Variants in ARHGAP35 observed in about 807,000 individuals in gnomAD.
ARHGAP35 encodes the protein Rho GTPase activating protein 35.
Under a neutral mutation model 111.1 loss-of-function variants are expected in ARHGAP35, and 15 were observed. The ratio of observed to expected loss-of-function variants is 0.13; its 90% CI spans 0.09 to 0.21. The LOEUF (loss-of-function observed/expected upper bound fraction) is 0.21. ARHGAP35 is among the 10% of genes least tolerant of loss of function. The probability of loss-of-function intolerance (pLI) is 1.00; values close to 1 mark genes in which losing one functional copy is unlikely to be tolerated. For missense variants in ARHGAP35, 1,262 were observed against 1,873.0 expected (o/e 0.67, Z 6.02); for synonymous variants, 643 against 710.3 (o/e 0.91, Z 1.51).
At chr19:46,887,762 C>T (rs929105435) in intron 1 of ARHGAP35, among the ~76,000 whole-genome samples, 3 of 152,044 alleles carry the variant, frequency 2.0e-5, no homozygotes, top group Non-Finnish European at 4.4e-5. Flanking sequence ...CCCGACCGAA[C>T]CAAAAACAAA....
intron 2 of ARHGAP35, among the ~76,000 whole-genome samples, chr19:46,934,295 G>A (rs2056291044): frequency 6.6e-6 from 1 of 152,156 alleles, no homozygotes; most frequent in South Asian, 2.1e-4. Flanking sequence ...TTTAAGTGGG[G>A]AGAGCATTGT....
intron 1 of ARHGAP35, among the ~76,000 whole-genome samples, chr19:46,861,710 C>T (rs1439423788): frequency 1.3e-5 from 2 of 152,102 alleles, no homozygotes; most frequent in Non-Finnish European, 2.9e-5. Context: ...CTGCTCTCAC[C>T]ACCCTTCAGA....
At position 46,920,740 on chromosome 19, in the gene ARHGAP35, C is replaced by A; in HGVS notation, c.2065C>A (p.Arg689=). Residue 689 remains arginine (R), a synonymous_variant, in exon 2 of 7, where the codon CGG becomes AGG. Transcript: ENST00000672722. This position sits in a 1 kb window ranked among gnomAD's most constrained non-coding sequence, Gnocchi z 7.0. ...GAGTAGAGAGTCCACGCTGGGCCGG[C>A]GGGATAATCATTTAGTCCATCTCCC... ...EKSRESTLGR[R]DNHLVHLPLT... 6.2e-7 allele frequency: 1 copy of A among 1,611,516 alleles called. No homozygotes were observed. Among genetic ancestry groups the A allele is most frequent in the Non-Finnish European group, 8.5e-7 (1 of 1,178,724 alleles).
At position 46,999,652 on chromosome 19, in the gene ARHGAP35, T is replaced by C; in HGVS notation, c.4142+243T>C. ...CAGCCCACGTGGCCTCAAACCTGCC[T>C]AACACCAGATAGGGCACTTAGCTCC... On this transcript the variant is annotated intron_variant, in intron 6 of 6. Coordinates refer to ENST00000672722, the MANE Select transcript of ARHGAP35 (RefSeq NM_004491.5). The surrounding 1 kb of genome is among the most constrained non-coding windows in gnomAD (Gnocchi z 5.4). The C allele has an allele frequency of 1.9e-6, 1 of 514,998 alleles. No homozygotes were observed. Among genetic ancestry groups the C allele is most frequent in the Non-Finnish European group, 3.5e-6 (1 of 288,534 alleles). The allele number at this position is 514,998 out of a possible 1,614,324, so 31.9% of individuals were successfully genotyped here. A position where few individuals can be genotyped will look rare whatever the true frequency, so the allele number is the denominator to read the frequency against.
chr19:46,910,427 ATT>A (rs1241010605), intron 1 of ARHGAP35, among the ~76,000 whole-genome samples: 1 of 150,716 alleles, frequency 6.6e-6, no homozygotes, highest in Non-Finnish European at 1.5e-5. Flanking sequence ...AGTAGCTAGG[ATT>A]ACATGGCATG....
intron 1 of ARHGAP35, among the ~76,000 whole-genome samples, chr19:46,910,192 A>T (rs1383745029): frequency 6.6e-6 from 1 of 152,170 alleles, no homozygotes; most frequent in Admixed American, 6.5e-5. Context: ...AGATCACTGT[A>T]ACCTCAAACT....
chr19:46,888,393 C>A (rs965117734), intron 1 of ARHGAP35, among the ~76,000 whole-genome samples: 2 of 144,322 alleles, frequency 1.4e-5, no homozygotes, highest in Non-Finnish European at 3.0e-5. Context: ...GGCTCCTGCT[C>A]ACACCTTCTT....
intron 1 of ARHGAP35, among the ~76,000 whole-genome samples, chr19:46,893,411 G>A (rs1355610183): frequency 6.6e-6 from 1 of 152,044 alleles, no homozygotes; most frequent in African/African-American, 2.4e-5. Context: ...AATATAGTAG[G>A]TTGCCACCAG....
chr19:46,983,986 G>T (rs374886460), intron 3 of ARHGAP35, among the ~76,000 whole-genome samples: 117 of 152,238 alleles, frequency 7.7e-4, no homozygotes, highest in African/African-American at 2.6e-3. Context: ...ACATGGCCTT[G>T]TTCAGATATT....
intron 1 of ARHGAP35, among the ~76,000 whole-genome samples, chr19:46,883,373 T>C (rs777803328): frequency 5.3e-5 from 8 of 152,068 alleles, no homozygotes; most frequent in Non-Finnish European, 1.2e-4. Context: ...AGTGCTGGGA[T>C]TACAGGCGTG....
rs1157012494 is a variant in ARHGAP35, at chr19:47,000,537, G to A, written c.4349G>A (p.Ser1450Asn). The stretch of plus-strand genomic sequence containing the variant: ...ACCGAGCCCCCCGGCGCCAGGCCCA[G>A]CTCCCCCTCTGCCGTGGCTTCCACC... The part of the protein sequence containing the change: ...PITEPPGARP[S>N]SPSAVASTVP... The change falls in exon 7 of 7, where the codon AGC becomes AAC. Residue 1450 changes from serine (S) to asparagine (N), a missense_variant. Physicochemically the swap from Ser to Asn is conservative, Grantham distance 46. Transcript: ENST00000672722. This position sits in a 1 kb window ranked among gnomAD's most constrained non-coding sequence, Gnocchi z 6.9. 1 of 1,612,984 alleles carries A rather than the reference G, an allele frequency of 6.2e-7. No homozygotes were observed. The highest frequency in any genetic ancestry group is 1.7e-5 in the Admixed American group (1 of 59,954).
At chr19:46,978,883 T>G (rs1599861437) in intron 3 of ARHGAP35, among the ~76,000 whole-genome samples, 1 of 73,286 alleles carries the variant, frequency 1.4e-5, no homozygotes, top group Non-Finnish European at 2.6e-5. Flanking sequence ...TGGGATTGTG[T>G]GTGTGGTGTG....
At position 46,884,148 on chromosome 19, in the gene ARHGAP35, T is replaced by TA. The variant is rs374359101; in HGVS notation, c.-189+22944dup. Among the ~76,000 whole-genome samples, 22 of 152,246 alleles carry TA rather than the reference T, an allele frequency of 1.4e-4. 1 individual carries two copies. The East Asian group carries it at 3.9e-3, about 27-fold the overall frequency. ...AAAAATTATTCCCACCATTATTTCATAAAAAGTAGGATCTAGGCTGGCCAT... is the reference window on the plus strand; with the variant it reads ...AAAAATTATTCCCACCATTATTTCATAAAAAAGTAGGATCTAGGCTGGCCAT... On this transcript the variant is annotated intron_variant, in intron 1 of 6. Transcript: ENST00000672722.
At chr19:46,893,204 G>C (rs552488748) in intron 1 of ARHGAP35, among the ~76,000 whole-genome samples, 4 of 152,282 alleles carry the variant, frequency 2.6e-5, no homozygotes, top group East Asian at 1.9e-4. Context: ...ACCTGAATAG[G>C]GGGAGGAGCC....
chr19:46,889,065 C>G (rs1384723691), intron 1 of ARHGAP35, among the ~76,000 whole-genome samples: 1 of 151,444 alleles, frequency 6.6e-6, no homozygotes, highest in East Asian at 2.0e-4. Context: ...ACACCTGTAA[C>G]CCCTGCACTT....
At chr19:46,876,395 A>C (rs907671403) in intron 1 of ARHGAP35, among the ~76,000 whole-genome samples, 1 of 151,318 alleles carries the variant, frequency 6.6e-6, no homozygotes, top group African/African-American at 2.4e-5. Flanking sequence ...TTCTTTTAAG[A>C]TGGAGTCTCA....
At chr19:46,962,140 T>C (rs1007320665) in intron 3 of ARHGAP35, among the ~76,000 whole-genome samples, 2 of 152,142 alleles carry the variant, frequency 1.3e-5, no homozygotes, top group African/African-American at 4.8e-5. Context: ...TGTGTGAAAA[T>C]CCATCACCGT....
intron 3 of ARHGAP35, among the ~76,000 whole-genome samples, chr19:46,974,300 C>T (rs1313974397): frequency 6.6e-6 from 1 of 152,192 alleles, no homozygotes; most frequent in African/African-American, 2.4e-5. Context: ...ACAAGACTGC[C>T]CTTCAGATGC....
intron 3 of ARHGAP35, among the ~76,000 whole-genome samples, chr19:46,939,956 GC>G (rs1210345641): frequency 6.6e-6 from 1 of 151,324 alleles, no homozygotes; most frequent in African/African-American, 2.4e-5. Context: ...GTCAAATCTG[GC>G]CCAGCACAGT....
Sources: allele counts gnomAD v4.1 joint callset (sites outside exome capture counted in the v4.1 genomes callset), GRCh38; gene constraint gnomAD v4.1.1; non-coding constraint Gnocchi (gnomAD v3.1); transcripts MANE v1.5; gene names NCBI Gene and HGNC (gene_info 2026-07-23, HGNC 2026-07-21).